The following ELAPOR2 variants were observed in gnomAD, a reference collection of about 807,000 sequenced individuals.
The protein encoded by ELAPOR2 is endosome-lysosome associated apoptosis and autophagy regulator family member 2, also known as endosome/lysosome-associated apoptosis and autophagy regulator family member 2.
In ELAPOR2, 89 loss-of-function variants were observed where a neutral mutation model predicts 120.7. That is an observed-to-expected ratio of 0.74 (90% CI 0.62 to 0.88). The LOEUF (loss-of-function observed/expected upper bound fraction) is 0.88, where lower values mean the gene tolerates loss of function less well. ELAPOR2 is among the 40% of genes least tolerant of loss of function. The pLI is 0.00. For synonymous variants in ELAPOR2, 444 were observed against 444.9 expected, an observed-to-expected ratio of 1.00 and a Z score of 0.03; for missense variants, 1,134 against 1,251.6, an observed-to-expected ratio of 0.91 and a Z score of 1.42.
At chr7:86,988,259 A>G (rs1562957659) in intron 1 of ELAPOR2, among the ~76,000 whole-genome samples, 2 of 152,194 alleles carry the variant, frequency 1.3e-5, no homozygotes, top group African/African-American at 4.8e-5. Flanking sequence ...TGATGGGTTG[A>G]TGGGTGTAGC....
At chr7:86,918,361 C>A in intron 12 of ELAPOR2, 81 bp downstream of exon 12, 1 of 596,346 alleles carries the variant, frequency 1.7e-6, no homozygotes, top group Non-Finnish European at 2.9e-6. Flanking sequence ...ATTCTTATCC[C>A]AACTTGCCAC....
rs1790037614 is a variant in ELAPOR2, at chr7:86,925,753, G to C, written c.1271-97C>G. The stretch of plus-strand genomic sequence containing the variant: ...AACACACTACATTACAATTAGCAGG[G>C]AGAGAAGTGGAAAAAAAAGATATTG... On this transcript the variant is annotated intron_variant, in intron 9 of 21. Transcript: ENST00000450689. 2.7e-6 allele frequency: 3 copies of C among 1,100,474 alleles called. No individual in the cohort carries two copies. In the Admixed American group the frequency reaches 6.2e-5, roughly 23 times the overall value. 68.2% of individuals were successfully genotyped at this position (1,100,474 alleles called of 1,614,324 possible). A position where few individuals can be genotyped will look rare whatever the true frequency, so the allele number is the denominator to read the frequency against.
chr7:87,011,805 G>A (rs1194857735), intron 1 of ELAPOR2, among the ~76,000 whole-genome samples: 3 of 152,058 alleles, frequency 2.0e-5, no homozygotes, highest in African/African-American at 7.2e-5. Flanking sequence ...AGAAACAAAA[G>A]ACAGGGTCTA....
intron 1 of ELAPOR2, among the ~76,000 whole-genome samples, chr7:86,987,536 G>T (rs1030819198): frequency 6.6e-6 from 1 of 152,128 alleles, no homozygotes; most frequent in Non-Finnish European, 1.5e-5. Context: ...AGTGGGCAAA[G>T]GATATGAACA....
chr7:86,967,482 G>A (rs1791952211), intron 1 of ELAPOR2, among the ~76,000 whole-genome samples: 1 of 151,994 alleles, frequency 6.6e-6, no homozygotes, highest in South Asian at 2.1e-4. Flanking sequence ...AATAATGTCT[G>A]TCTTATTTCC....
intron 1 of ELAPOR2, among the ~76,000 whole-genome samples, chr7:86,978,029 CTCAAATTTTACTTTTAATT>C (rs1792338092): frequency 6.6e-6 from 1 of 152,172 alleles, no homozygotes; most frequent in African/African-American, 2.4e-5. Context: ...TGTGTCCCCA[CTCAAATTTTACTTTTAATT>C]GTAATCGCCA....
chr7:87,035,362 C>T lies in ELAPOR2; in HGVS notation c.189+23963G>A, dbSNP rs373931548. 5.9e-5 allele frequency among the ~76,000 whole-genome samples: 9 copies of T among 152,308 alleles called. No individual in the cohort carries two copies. The East Asian group carries it at 1.7e-3, about 29-fold the overall frequency. On this transcript the variant is annotated intron_variant, in intron 1 of 21. Transcript: ENST00000450689. ...GGCTTCTGCATATGTAAAACACCTT[C>T]TAAGATGAACTAAATTCTGCATCCT... is the stretch of plus-strand genomic sequence containing the variant.
chr7:86,896,278 T>C (rs947956321), intron 19 of ELAPOR2, among the ~76,000 whole-genome samples: 5 of 152,136 alleles, frequency 3.3e-5, no homozygotes, highest in Non-Finnish European at 7.4e-5. Context: ...GGCATATTTC[T>C]GTGTGTCTAA....
intron 1 of ELAPOR2, among the ~76,000 whole-genome samples, chr7:86,989,958 C>G (rs1056149842): frequency 6.6e-6 from 1 of 152,086 alleles, no homozygotes; most frequent in African/African-American, 2.4e-5. Flanking sequence ...CCAAAACTCA[C>G]ACTGAAATTT....
At chr7:86,974,873 A>T (rs545946343) in intron 1 of ELAPOR2, among the ~76,000 whole-genome samples, 4 of 152,328 alleles carry the variant, frequency 2.6e-5, no homozygotes, top group Admixed American at 2.6e-4. Context: ...ATTCCATAAC[A>T]TTCATTAGCA....
intron 21 of ELAPOR2, among the ~76,000 whole-genome samples, chr7:86,889,249 G>A (rs1799838038): frequency 1.3e-5 from 2 of 151,916 alleles, no homozygotes; most frequent in African/African-American, 4.8e-5. Context: ...ATATCCTGTA[G>A]TACCTGGATT....
intron 3 of ELAPOR2, among the ~76,000 whole-genome samples, chr7:86,947,351 C>T (rs977600951): frequency 2.6e-5 from 4 of 151,864 alleles, no homozygotes; most frequent in Non-Finnish European, 5.9e-5. Flanking sequence ...AGGAGATAAT[C>T]AAGTGTCTAA....
At chr7:86,985,748 T>C (rs1205469314) in intron 1 of ELAPOR2, among the ~76,000 whole-genome samples, 1 of 152,184 alleles carries the variant, frequency 6.6e-6, no homozygotes, top group East Asian at 1.9e-4. Flanking sequence ...ACATGTGCCA[T>C]GTTGGTGTGC....
chr7:86,900,892 C>A (rs1788691496), intron 18 of ELAPOR2, among the ~76,000 whole-genome samples: 1 of 152,052 alleles, frequency 6.6e-6, no homozygotes, highest in Non-Finnish European at 1.5e-5. Flanking sequence ...AACAGAAAAA[C>A]AAACAGTAAA....
chr7:86,967,326 G>A (rs867171867), intron 1 of ELAPOR2, among the ~76,000 whole-genome samples: 1 of 152,146 alleles, frequency 6.6e-6, no homozygotes, highest in South Asian at 2.1e-4. Context: ...CGGGCGTGGT[G>A]GTGTGCGCTT....
chr7:86,924,802 C>T (rs377762038), intron 10 of ELAPOR2, among the ~76,000 whole-genome samples: 11 of 151,696 alleles, frequency 7.3e-5, no homozygotes, highest in Middle Eastern at 6.8e-3. Context: ...CACACACATA[C>T]GTGTTTACAA....
intron 1 of ELAPOR2, among the ~76,000 whole-genome samples, chr7:87,058,903 G>T (rs903802567): frequency 2.6e-5 from 4 of 152,072 alleles, no homozygotes; most frequent in African/African-American, 7.2e-5. Context: ...GTGGAGACAG[G>T]GGGAGGAGGA....
At chr7:87,026,076 T>C (rs1794232981) in intron 1 of ELAPOR2, among the ~76,000 whole-genome samples, 1 of 152,134 alleles carries the variant, frequency 6.6e-6, no homozygotes, top group Admixed American at 6.6e-5. Flanking sequence ...TTTGTATTTT[T>C]ATCAGTACAG....
intron 9 of ELAPOR2, 21 bp from the exon 10 acceptor site, chr7:86,925,677 C>T: frequency 1.2e-6 from 2 of 1,609,066 alleles, no homozygotes; most frequent in Non-Finnish European, 1.7e-6. Context: ...CAAGTAGGGT[C>T]AACAATTAAA....
Sources: gnomAD v4.1 joint callset for allele counts (sites outside exome capture counted in the v4.1 genomes callset) on GRCh38, gnomAD v4.1.1 for gene constraint, MANE v1.5 for transcripts, NCBI Gene and HGNC (gene_info 2026-07-23, HGNC 2026-07-21) for gene names.